Variants in TCERG1L observed in about 807,000 individuals in gnomAD.
TCERG1L encodes transcription elongation regulator 1 like.
Under a neutral mutation model 56.3 loss-of-function variants are expected in TCERG1L, and 37 were observed. The observed-to-expected ratio is 0.66, with a 90% CI of 0.51 to 0.87. The LOEUF (loss-of-function observed/expected upper bound fraction) is 0.87. Ranked by LOEUF, TCERG1L falls within the 40% of genes least tolerant of loss-of-function variation. The pLI is 0.00. For synonymous variants in TCERG1L, 324 were observed against 326.3 expected (o/e 0.99, Z 0.08); for missense variants, 799 against 774.2 (o/e 1.03, Z -0.38).
At chr10:131,294,352 T>C (rs1257386599) in intron 3 of TCERG1L, among the ~76,000 whole-genome samples, 1 of 152,160 alleles carries the variant, frequency 6.6e-6, no homozygotes, top group South Asian at 2.1e-4. Context: ...ATGTCACTTC[T>C]GTAAACCAAG....
chr10:131,120,056 G>T (rs1022328567), intron 8 of TCERG1L, among the ~76,000 whole-genome samples: 4 of 152,148 alleles, frequency 2.6e-5, no homozygotes, highest in African/African-American at 7.2e-5. Context: ...CTTCCCTTCT[G>T]TGTGGTGACC....
intron 4 of TCERG1L, among the ~76,000 whole-genome samples, chr10:131,241,639 A>G (rs1213252811): frequency 1.3e-5 from 2 of 149,832 alleles, no homozygotes; most frequent in African/African-American, 4.9e-5. Context: ...GGATAGCGCA[A>G]TATAAAAGCA....
At position 131,146,654 on chromosome 10, in the gene TCERG1L, C is replaced by G; in HGVS notation, c.1041G>C (p.Val347=). ...AAACTCGGTCATCGCCCGTCCAGAC[C>G]ACACACCTGTTTGAGTGGAAAAACT... The part of the protein sequence containing the change: ...STPVPGSPWC[V]VWTGDDRVFF... The change falls in exon 7 of 12, where the codon GTG becomes GTC. Residue 347 remains valine, a synonymous_variant. Coordinates refer to ENST00000368642, the MANE Select transcript of TCERG1L (RefSeq NM_174937.4). 1.9e-6 allele frequency: 3 copies of G among 1,611,198 alleles called. No individual in the cohort carries two copies. In the African/African-American group the frequency reaches 4.0e-5, roughly 22 times the overall value.
chr10:131,277,404 C>T (rs1038384090), intron 3 of TCERG1L, among the ~76,000 whole-genome samples: 7 of 152,242 alleles, frequency 4.6e-5, no homozygotes, highest in Non-Finnish European at 8.8e-5. Flanking sequence ...CCCAGATGGA[C>T]AGCCAGGAAA....
At chr10:131,254,160 G>A (rs553627847) in intron 4 of TCERG1L, among the ~76,000 whole-genome samples, 2 of 152,062 alleles carry the variant, frequency 1.3e-5, no homozygotes, top group East Asian at 3.9e-4. Flanking sequence ...CTCACAGACT[G>A]GGAAGGCACC....
At chr10:131,257,555 A>G (rs1488144980) in intron 4 of TCERG1L, among the ~76,000 whole-genome samples, 2 of 152,322 alleles carry the variant, frequency 1.3e-5, no homozygotes, top group East Asian at 3.9e-4. Context: ...CCGGGTATCC[A>G]GACAGGTTTT....
intron 8 of TCERG1L, among the ~76,000 whole-genome samples, chr10:131,123,179 C>T (rs1002735412): frequency 1.3e-5 from 2 of 152,180 alleles, no homozygotes; most frequent in African/African-American, 4.8e-5. Context: ...GCTCCAAACC[C>T]CAGGATCCCA....
intron 4 of TCERG1L, among the ~76,000 whole-genome samples, chr10:131,250,108 T>G (rs1228372510): frequency 6.6e-6 from 1 of 152,132 alleles, no homozygotes; most frequent in Non-Finnish European, 1.5e-5. Context: ...CCGACTCACA[T>G]GAAGCTGCAT....
intron 4 of TCERG1L, among the ~76,000 whole-genome samples, chr10:131,243,799 G>A (rs1477059465): frequency 2.0e-5 from 3 of 152,174 alleles, no homozygotes; most frequent in African/African-American, 7.2e-5. Flanking sequence ...TTATTAGCTC[G>A]TGACTTGTGG....
rs3040427 is a variant in TCERG1L, at chr10:131,290,631, C to CA, written c.670+17579dup. On this transcript the variant is annotated intron_variant, in intron 3 of 11. Transcript: ENST00000368642. ...GGACAAGAACAGTGAAACCCCATCTCAAAAAAAAAAAAAAAAAAAAACCTT... is the reference window on the plus strand; with the variant it reads ...GGACAAGAACAGTGAAACCCCATCTCAAAAAAAAAAAAAAAAAAAAAACCTT... 9.4e-3 allele frequency among the ~76,000 whole-genome samples: 917 copies of CA among 97,424 alleles called. 10 individuals are homozygous for CA. The highest frequency in any genetic ancestry group is 0.032 in the African/African-American group (811 of 25,356). The allele number at this position is 97,424 out of a possible 152,430, so 63.9% of individuals were successfully genotyped here. A position where few individuals can be genotyped will look rare whatever the true frequency, so the allele number is the denominator to read the frequency against.
At position 131,221,412 on chromosome 10, in the gene TCERG1L, T is replaced by C. The variant is rs1408663793; in HGVS notation, c.856+38847A>G. Among the ~76,000 whole-genome samples the C allele has an allele frequency of 6.6e-5, 10 of 152,286 alleles. No homozygotes were observed. In the East Asian group the frequency reaches 1.9e-3, roughly 29 times the overall value. On this transcript the variant is annotated intron_variant, in intron 4 of 11. Transcript: ENST00000368642. ...AGTGGGAGGTGGGTGGGAAAGGTAGTGGAGAAAGACCCCACCTAGGGTGAC... is the reference window on the plus strand; with the variant it reads ...AGTGGGAGGTGGGTGGGAAAGGTAGCGGAGAAAGACCCCACCTAGGGTGAC...
chr10:131,298,380 C>G (rs1846720984), intron 3 of TCERG1L, among the ~76,000 whole-genome samples: 1 of 151,972 alleles, frequency 6.6e-6, no homozygotes, highest in African/African-American at 2.4e-5. Context: ...TTACTGATTT[C>G]TAACTTAATT....
intron 3 of TCERG1L, among the ~76,000 whole-genome samples, chr10:131,285,481 A>C (rs1170875540): frequency 6.2e-5 from 1 of 16,162 alleles, no homozygotes; most frequent in Admixed American, 9.2e-4. Flanking sequence ...AGAAAGAAAG[A>C]AAGAAAGAAA....
chr10:131,135,687 C>A (rs1296516565), intron 7 of TCERG1L, among the ~76,000 whole-genome samples: 5 of 152,208 alleles, frequency 3.3e-5, no homozygotes, highest in African/African-American at 4.8e-5. Context: ...CTCATGGTCA[C>A]CCCTGCCCAC....
intron 6 of TCERG1L, among the ~76,000 whole-genome samples, chr10:131,149,301 T>C (rs1845837888): frequency 6.6e-6 from 1 of 152,074 alleles, no homozygotes; most frequent in Non-Finnish European, 1.5e-5. Flanking sequence ...GCTGGCCAAC[T>C]ACAGCAGACT....
intron 4 of TCERG1L, among the ~76,000 whole-genome samples, chr10:131,244,450 T>A (rs1273583395): frequency 2.7e-5 from 4 of 150,322 alleles, no homozygotes; most frequent in Admixed American, 2.0e-4. Context: ...GCTTTGGGAG[T>A]AGGTGGGGAG....
chr10:131,273,987 T>C (rs1192585881), intron 3 of TCERG1L, among the ~76,000 whole-genome samples: 1 of 152,160 alleles, frequency 6.6e-6, no homozygotes, highest in African/African-American at 2.4e-5. Context: ...GAAATGAAAC[T>C]GCTTGCTCAG....
intron 7 of TCERG1L, among the ~76,000 whole-genome samples, chr10:131,143,821 CAACT>C (rs1845765678): frequency 6.6e-6 from 1 of 152,146 alleles, no homozygotes; most frequent in Non-Finnish European, 1.5e-5. Context: ...CATTTATTCT[CAACT>C]AACAACACAG....
chr10:131,213,279 G>A (rs1242688010), intron 4 of TCERG1L, among the ~76,000 whole-genome samples: 1 of 152,198 alleles, frequency 6.6e-6, no homozygotes, highest in African/African-American at 2.4e-5. Context: ...AGACTCATCA[G>A]AACCCACACC....
Sources: allele counts gnomAD v4.1 joint callset (sites outside exome capture counted in the v4.1 genomes callset), GRCh38; gene constraint gnomAD v4.1.1; transcripts MANE v1.5; gene names NCBI Gene and HGNC (gene_info 2026-07-23, HGNC 2026-07-21).